The following CNTN6 variants were observed in gnomAD, a reference collection of about 807,000 sequenced individuals.
CNTN6 encodes contactin-6.
A neutral mutation model predicts 122.8 loss-of-function variants in CNTN6; 137 were observed. The ratio of observed to expected loss-of-function variants is 1.12; its 90% CI spans 0.97 to 1.29. The LOEUF is 1.29. CNTN6 is among the 50% of genes most tolerant of loss of function. The pLI, the probability that CNTN6 is intolerant of heterozygous loss-of-function variation, is 0.00. For missense variants in CNTN6, 1,634 were observed against 1,223.4 expected (o/e 1.34, Z -5.01); for synonymous variants, 570 against 426.0 (o/e 1.34, Z -4.16).
chr3:1,356,081 A>G lies in CNTN6; in HGVS notation c.1492+3630A>G, dbSNP rs1706505467. On this transcript the variant is annotated intron_variant, in intron 12 of 22. Transcript: ENST00000446702. ...AAGGAATCAAGAGGAAAGAGAGTTTACGTGTTTTCATTTTGGAGGACTGAG... is the reference window on the plus strand; with the variant it reads ...AAGGAATCAAGAGGAAAGAGAGTTTGCGTGTTTTCATTTTGGAGGACTGAG... Among the ~76,000 whole-genome samples, 6 of 151,924 alleles carry G rather than the reference A, an allele frequency of 3.9e-5. No individual in the cohort carries two copies. In the South Asian group the frequency reaches 8.3e-4, roughly 21 times the overall value.
intron 2 of CNTN6, among the ~76,000 whole-genome samples, chr3:1,155,813 C>G (rs983887870): frequency 6.6e-6 from 1 of 152,194 alleles, no homozygotes; most frequent in African/African-American, 2.4e-5. Flanking sequence ...GACATTTGTA[C>G]CAGCCTCCTA....
intron 20 of CNTN6, among the ~76,000 whole-genome samples, chr3:1,390,985 A>G (rs1384592027): frequency 1.5e-4 from 21 of 141,662 alleles, no homozygotes; most frequent in Middle Eastern, 3.4e-3. Context: ...ACAAGGAGGA[A>G]CTGGTACCAT....
chr3:1,327,598 A>T lies in CNTN6; in HGVS notation c.1213+12A>T. 6.2e-7 allele frequency: 1 copy of T among 1,606,730 alleles called. No homozygotes were observed. ...ATTGAGAGTTTTAGGTAAGTCGTTTATTTACAACCAACAAATTCAAAATGA... is the reference window on the plus strand; with the variant it reads ...ATTGAGAGTTTTAGGTAAGTCGTTTTTTTACAACCAACAAATTCAAAATGA... On this transcript the variant is annotated intron_variant, in intron 10 of 22. Coordinates refer to ENST00000446702, the MANE Select transcript of CNTN6 (RefSeq NM_001289080.2).
At chr3:1,296,232 T>G (rs1196546238) in intron 6 of CNTN6, among the ~76,000 whole-genome samples, 1 of 152,178 alleles carries the variant, frequency 6.6e-6, no homozygotes, top group Admixed American at 6.6e-5. Context: ...TTGTTCACCC[T>G]TTATTTACGT....
chr3:1,101,345 T>G (rs980876775), intron 1 of CNTN6, among the ~76,000 whole-genome samples: 8 of 152,206 alleles, frequency 5.3e-5, no homozygotes, highest in Admixed American at 3.9e-4. Context: ...CTCTGAGGGC[T>G]TACCTCTTTA....
At chr3:1,213,100 A>C (rs543512194) in intron 2 of CNTN6, among the ~76,000 whole-genome samples, 4 of 152,294 alleles carry the variant, frequency 2.6e-5, no homozygotes, top group Admixed American at 1.3e-4. Context: ...CAGGGATTTA[A>C]TTTGGAAACT....
intron 2 of CNTN6, among the ~76,000 whole-genome samples, chr3:1,212,055 T>C (rs1218365733): frequency 1.3e-5 from 2 of 152,104 alleles, no homozygotes; most frequent in African/African-American, 4.8e-5. Context: ...TACCAGTAGG[T>C]TAGATGTAAT....
At chr3:1,317,218 A>T (rs1700211558) in intron 7 of CNTN6, among the ~76,000 whole-genome samples, 1 of 151,060 alleles carries the variant, frequency 6.6e-6, no homozygotes, top group African/African-American at 2.5e-5. Context: ...TTTTATCATT[A>T]TTTTTTGATA....
intron 2 of CNTN6, among the ~76,000 whole-genome samples, chr3:1,184,748 T>G (rs547967052): frequency 6.6e-6 from 1 of 152,238 alleles, no homozygotes; most frequent in South Asian, 2.1e-4. Flanking sequence ...ATGATCTGGA[T>G]AGCTAAATAT....
At position 1,153,515 on chromosome 3, in the gene CNTN6, C is replaced by G. The variant is rs541789456; in HGVS notation, c.55+5452C>G. 7.9e-5 allele frequency among the ~76,000 whole-genome samples: 12 copies of G among 152,208 alleles called. No homozygotes were observed. The South Asian group carries it at 2.5e-3, about 32-fold the overall frequency. On this transcript the variant is annotated intron_variant, in intron 2 of 22. Coordinates refer to ENST00000446702, the MANE Select transcript of CNTN6 (RefSeq NM_001289080.2). Reference sequence around the variant, plus strand: ...AATAAAGTTGTTTTTAGGGCTGATACCCATAAAGAAAGAAAAAATCTATTT... The same window carrying G: ...AATAAAGTTGTTTTTAGGGCTGATAGCCATAAAGAAAGAAAAAATCTATTT...
At chr3:1,215,036 G>A (rs988912001) in intron 2 of CNTN6, among the ~76,000 whole-genome samples, 17 of 152,184 alleles carry the variant, frequency 1.1e-4, no homozygotes, top group African/African-American at 3.9e-4. Flanking sequence ...AGGGATTACA[G>A]GCATGAGCCC....
intron 7 of CNTN6, among the ~76,000 whole-genome samples, chr3:1,307,855 T>G (rs2125914569): frequency 6.6e-6 from 1 of 152,296 alleles, no homozygotes; most frequent in East Asian, 1.9e-4. Context: ...TTTCATTACA[T>G]ATCAAGGTTA....
intron 4 of CNTN6, among the ~76,000 whole-genome samples, chr3:1,264,529 T>G (rs1485390315): frequency 6.6e-6 from 1 of 152,182 alleles, no homozygotes; most frequent in African/African-American, 2.4e-5. Context: ...CTGTAACCTA[T>G]AACTTAAACC....
intron 2 of CNTN6, among the ~76,000 whole-genome samples, chr3:1,212,936 A>AT (rs1345882172): frequency 6.6e-6 from 1 of 152,164 alleles, no homozygotes; most frequent in African/African-American, 2.4e-5. Context: ...ACAAATATAA[A>AT]TGAAAAAAAG....
chr3:1,181,438 T>C (rs191591427), intron 2 of CNTN6, among the ~76,000 whole-genome samples: 1 of 152,324 alleles, frequency 6.6e-6, no homozygotes, highest in East Asian at 1.9e-4. Flanking sequence ...TAGGGGTTTT[T>C]TTGTTATTTC....
chr3:1,321,710 G>A lies in CNTN6; in HGVS notation c.822G>A (p.Lys274=). The change falls in exon 8 of 23, where the codon AAG becomes AAA. Residue 274 remains lysine (K), a synonymous_variant. Transcript: ENST00000446702. Reference sequence around the variant, plus strand: ...GGAGCCCGTTGCCAGGGAAAGTCAAGTACAGCAAATCCCAAGCTATCCTTG... The same window carrying A: ...GGAGCCCGTTGCCAGGGAAAGTCAAATACAGCAAATCCCAAGCTATCCTTG... The part of the protein sequence containing the change: ...LDGSPLPGKV[K]YSKSQAILEI... The A allele has an allele frequency of 6.2e-7, 1 of 1,611,822 alleles. No individual in the cohort carries two copies. The highest frequency in any genetic ancestry group is 8.5e-7 in the Non-Finnish European group (1 of 1,178,584).
At chr3:1,284,305 A>G (rs1040671811) in intron 5 of CNTN6, among the ~76,000 whole-genome samples, 1 of 151,366 alleles carries the variant, frequency 6.6e-6, no homozygotes, top group African/African-American at 2.5e-5. Context: ...AAAATTATGT[A>G]GAGAAAAAAG....
At chr3:1,200,473 C>G (rs1168833142) in intron 2 of CNTN6, among the ~76,000 whole-genome samples, 1 of 152,106 alleles carries the variant, frequency 6.6e-6, no homozygotes, top group East Asian at 1.9e-4. Flanking sequence ...ACAGCCAATG[C>G]CATGGCATCA....
At chr3:1,370,516 T>C (rs115239951) in intron 12 of CNTN6, among the ~76,000 whole-genome samples, 3,352 of 152,230 alleles carry the variant, frequency 0.022, 51 homozygotes, top group Non-Finnish European at 0.032. Flanking sequence ...GTCCACAAAA[T>C]CATTCTTTAA....
Sources: gnomAD v4.1 joint callset for allele counts (sites outside exome capture counted in the v4.1 genomes callset) on GRCh38, gnomAD v4.1.1 for gene constraint, MANE v1.5 for transcripts, NCBI Gene and HGNC (gene_info 2026-07-23, HGNC 2026-07-21) for gene names.